The following SQOR variants were observed in gnomAD, a reference collection of about 807,000 sequenced individuals.
SQOR encodes sulfide quinone oxidoreductase.
A neutral mutation model predicts 48.6 loss-of-function variants in SQOR; 39 were observed. That is an observed-to-expected ratio of 0.80 (90% CI 0.62 to 1.05). SQOR has a LOEUF of 1.05. Among genes scored for constraint, SQOR ranks in the 50% least tolerant of loss-of-function variants. The pLI, the probability that SQOR is intolerant of heterozygous loss-of-function variation, is 0.00. For missense variants in SQOR, 561 were observed against 559.9 expected (o/e 1.00, Z -0.02); for synonymous variants, 220 against 206.2 (o/e 1.07, Z -0.57).
Position 45,676,161 on chromosome 15 carries a change from G to A in SQOR, c.715G>A (p.Val239Ile), listed in dbSNP as rs1403967775. ...FNTSLGAIFG[V>I]KKYADALQEI... is the part of the protein sequence containing the mutation. ...CACTTCTCTTGGAGCCATTTTCGGGGTTAAGAAGTATGCAGATGCCCTGCA... is the reference window on the plus strand; with the variant it reads ...CACTTCTCTTGGAGCCATTTTCGGGATTAAGAAGTATGCAGATGCCCTGCA... Residue 239 changes from valine (V) to isoleucine (I), a missense_variant, in exon 6 of 10, where the codon GTT becomes ATT. Transcript: ENST00000260324. The A allele has an allele frequency of 6.2e-7, 1 of 1,614,186 alleles. No homozygotes were observed. Among genetic ancestry groups the A allele is most frequent in the Non-Finnish European group, 8.5e-7 (1 of 1,180,038 alleles).
intron 7 of SQOR, among the ~76,000 whole-genome samples, chr15:45,683,365 T>C (rs1890157992): frequency 6.6e-6 from 1 of 152,232 alleles, no homozygotes; most frequent in Admixed American, 6.5e-5. Flanking sequence ...CAATGAAAGC[T>C]TGCAGACCAG....
chr15:45,689,598 A>C (rs999552858), intron 9 of SQOR, among the ~76,000 whole-genome samples: 8 of 151,824 alleles, frequency 5.3e-5, no homozygotes, highest in African/African-American at 1.9e-4. Flanking sequence ...TTATATTTTT[A>C]GTAGAGACGG....
At chr15:45,689,275 A>G in intron 9 of SQOR, 58 bp downstream of exon 9, 1 of 1,553,584 alleles carries the variant, frequency 6.4e-7, no homozygotes, top group South Asian at 1.1e-5. Context: ...ATCTCCACCC[A>G]AAGGGGATGC....
chr15:45,641,093 CAA>C (rs1895098931), intron 1 of SQOR, among the ~76,000 whole-genome samples: 1 of 152,116 alleles, frequency 6.6e-6, no homozygotes, highest in African/African-American at 2.4e-5. Context: ...TGAAATAATC[CAA>C]TTGACTGACA....
chr15:45,672,486 G>T (rs906659935), intron 4 of SQOR, among the ~76,000 whole-genome samples: 23 of 152,104 alleles, frequency 1.5e-4, no homozygotes, highest in Admixed American at 6.5e-5. Context: ...ATGAACTCAG[G>T]CCACTGAGGA....
intron 9 of SQOR, chr15:45,689,461 A>C (rs1256905481): frequency 4.0e-6 from 1 of 252,228 alleles, no homozygotes; most frequent in African/African-American, 2.5e-5. Context: ...TCTGTTGCCC[A>C]GGTTGGAGTG....
In SQOR at chr15:45,691,105, C is replaced by A; in HGVS notation, c.*75C>A. On this transcript the variant is annotated 3_prime_UTR_variant, in exon 10 of 10. Coordinates refer to ENST00000260324, the MANE Select transcript of SQOR (RefSeq NM_021199.4). ...AGTCACTGAATGACCAAGAGCAGCA[C>A]GAAGGACTTGGAACCTATCCTTGTA... 1 of 1,312,134 alleles carries A rather than the reference C, an allele frequency of 7.6e-7. No individual in the cohort carries two copies. The highest frequency in any genetic ancestry group is 1.1e-6 in the Non-Finnish European group (1 of 904,364). The allele number at this position is 1,312,134 out of a possible 1,614,324, so 81.3% of individuals were successfully genotyped here. A position where few individuals can be genotyped will look rare whatever the true frequency, so the allele number is the denominator to read the frequency against.
chr15:45,634,993 C>T (rs1396641432), upstream of SQOR: 1 of 152,390 alleles, frequency 6.6e-6, no homozygotes, highest in East Asian at 1.9e-4. Flanking sequence ...TTCCCCGCCT[C>T]CAGCCTCCGC....
intron 3 of SQOR, among the ~76,000 whole-genome samples, chr15:45,668,143 G>A (rs4776202): frequency 0.64 from 96,057 of 151,234 alleles, 32,650 homozygotes; most frequent in Middle Eastern, 0.78. Context: ...ACAGGGTTTC[G>A]CTATGTGGGC....
intron 6 of SQOR, 87 bp downstream of exon 6, chr15:45,676,397 C>A: frequency 7.6e-7 from 1 of 1,314,666 alleles, no homozygotes; most frequent in Non-Finnish European, 1.1e-6. Context: ...ACCCTATCTG[C>A]CATCATTGTG....
intron 3 of SQOR, among the ~76,000 whole-genome samples, chr15:45,662,754 GC>G (rs1178795918): frequency 6.6e-6 from 1 of 152,216 alleles, no homozygotes; most frequent in East Asian, 1.9e-4. Context: ...ATGGTGGAAG[GC>G]CTGCTCAGAA....
chr15:45,660,215 G>C (rs1185511888), intron 2 of SQOR, among the ~76,000 whole-genome samples: 1 of 152,180 alleles, frequency 6.6e-6, no homozygotes, highest in African/African-American at 2.4e-5. Flanking sequence ...AAATGGATCA[G>C]GTGCCTGTTT....
chr15:45,682,464 CTCTT>C lies in SQOR; in HGVS notation c.865-12_865-9del. ...TTGAATAAATGAAAATGTGGATTCT[CTCTT>C]TGTGTGTAGTATGAAATGCTTCATG... On this transcript the variant is annotated splice_polypyrimidine_tract_variant and intron_variant, in intron 6 of 9. Coordinates refer to ENST00000260324, the MANE Select transcript of SQOR (RefSeq NM_021199.4). 1 of 1,613,520 alleles carries C rather than the reference CTCTT, an allele frequency of 6.2e-7. No homozygotes were observed. The highest frequency in any genetic ancestry group is 8.5e-7 in the Non-Finnish European group (1 of 1,179,626).
At chr15:45,674,803 C>T (rs904463725) in intron 5 of SQOR, among the ~76,000 whole-genome samples, 1 of 152,196 alleles carries the variant, frequency 6.6e-6, no homozygotes, top group South Asian at 2.1e-4. Context: ...CTTGCCCTCC[C>T]TGCTCTTGCC....
intron 1 of SQOR, among the ~76,000 whole-genome samples, chr15:45,638,650 A>G (rs1273183378): frequency 6.6e-6 from 1 of 151,738 alleles, no homozygotes; most frequent in Non-Finnish European, 1.5e-5. Context: ...CTTGAACCGG[A>G]GAGGAGGAAG....
intron 2 of SQOR, among the ~76,000 whole-genome samples, chr15:45,661,314 A>AAAAAAAAAT: frequency 6.7e-6 from 1 of 148,486 alleles, no homozygotes. Flanking sequence ...AAAAAAAAAA[A>AAAAAAAAAT]GGACCATCTG....
rs948986250 is a variant in SQOR at position 45,659,150 on chromosome 15, C to T, written c.227C>T (p.Pro76Leu). The T allele has an allele frequency of 1.3e-6, 2 of 1,529,746 alleles. No individual in the cohort carries two copies. Among genetic ancestry groups the T allele is most frequent in the Non-Finnish European group, 8.8e-7 (1 of 1,131,614 alleles). The allele number at this position is 1,529,746 out of a possible 1,614,324, so 94.8% of individuals were successfully genotyped here. The change falls in exon 2 of 10, where the codon CCC (proline) becomes CTC (leucine). Residue 76 changes from proline (P) to leucine (L), a missense_variant. Coordinates refer to ENST00000260324, the MANE Select transcript of SQOR (RefSeq NM_021199.4). Reference protein sequence around the residue: ...VGAENVAIVEPSERHFYQPIW... With the variant: ...VGAENVAIVELSERHFYQPIW... The stretch of plus-strand genomic sequence containing the variant: ...GCAGAGAATGTGGCCATTGTTGAGC[C>T]CAGTGAGGTAAGCCTCCCCTTTTGA...
chr15:45,685,891 T>G (rs923474117), intron 7 of SQOR, among the ~76,000 whole-genome samples: 1 of 151,756 alleles, frequency 6.6e-6, no homozygotes, highest in Admixed American at 6.6e-5. Context: ...CAGGGTGGAG[T>G]GTAGTAGAGT....
intron 7 of SQOR, among the ~76,000 whole-genome samples, chr15:45,684,132 C>T (rs1020245157): frequency 6.6e-6 from 1 of 152,122 alleles, no homozygotes; most frequent in Non-Finnish European, 1.5e-5. Flanking sequence ...AGGCTGGTCT[C>T]GAACTCCTGG....
Sources: gnomAD v4.1 joint callset for allele counts (sites outside exome capture counted in the v4.1 genomes callset) on GRCh38, gnomAD v4.1.1 for gene constraint, MANE v1.5 for transcripts, NCBI Gene and HGNC (gene_info 2026-07-23, HGNC 2026-07-21) for gene names.